The following MARF1 variants were observed in gnomAD, a reference collection of about 807,000 sequenced individuals.
The protein encoded by MARF1 is limkain-b1.
A neutral mutation model predicts 168.2 loss-of-function variants in MARF1; 24 were observed. The observed-to-expected ratio is 0.14, with a 90% confidence interval of 0.10 to 0.20. MARF1 has a LOEUF of 0.20. Among genes scored for constraint, MARF1 ranks in the 10% least tolerant of loss-of-function variants. MARF1 has a pLI of 1.00. For missense variants in MARF1, 1,744 were observed against 2,143.6 expected, an observed-to-expected ratio of 0.81 and a Z score of 3.68; for synonymous variants, 868 against 822.4, an observed-to-expected ratio of 1.06 and a Z score of -0.95.
Position 15,636,232 on chromosome 16 carries a change from A to G in MARF1, c.255T>C (p.Ser85=). The G allele has an allele frequency of 1.2e-6, 2 of 1,614,218 alleles. No individual in the cohort carries two copies. ...FPAVPLPDIR[S]LQQPKIQLSS... is the part of the protein sequence containing the mutation. ...AAAGCTGTATTTTAGGCTGCTGAAGAGAACGAATATCAGGAAGTGGGACTG... is the reference window on the plus strand; with the variant it reads ...AAAGCTGTATTTTAGGCTGCTGAAGGGAACGAATATCAGGAAGTGGGACTG... Residue 85 remains serine (S), a synonymous_variant, in exon 3 of 27, where the codon TCT becomes TCC. Transcript: ENST00000396368.
intron 12 of MARF1, among the ~76,000 whole-genome samples, chr16:15,621,120 T>G (rs950567385): frequency 6.6e-6 from 1 of 151,624 alleles, no homozygotes; most frequent in African/African-American, 2.4e-5. Flanking sequence ...AAAAAACCCG[T>G]AACTCGTAAT....
intron 2 of MARF1, 62 bp from the exon 3 acceptor site, chr16:15,636,404 A>C: frequency 1.6e-6 from 2 of 1,216,002 alleles, no homozygotes; most frequent in South Asian, 3.0e-5. Context: ...TTGGTTACTC[A>C]TATCTTACTG....
At chr16:15,631,800 T>C (rs753160023) in intron 5 of MARF1, among the ~76,000 whole-genome samples, 31 of 152,162 alleles carry the variant, frequency 2.0e-4, no homozygotes, top group African/African-American at 3.1e-4. Context: ...CCTGTGTCCA[T>C]GTGTTCTCAC....
At chr16:15,602,291 C>G in intron 22 of MARF1, 88 bp from the exon 23 acceptor site, 1 of 1,048,336 alleles carries the variant, frequency 9.5e-7, no homozygotes, top group Admixed American at 2.0e-5. Flanking sequence ...GGGAAAAGGC[C>G]CAGAGTTGAA....
At chr16:15,631,586 T>C (rs1471022580) in intron 5 of MARF1, 88 bp from the exon 6 acceptor site, 5 of 855,772 alleles carry the variant, frequency 5.8e-6, no homozygotes, top group Non-Finnish European at 9.0e-6. Flanking sequence ...ATTTTTTAAA[T>C]TTTATTATAC....
chr16:15,616,019 A>C lies in MARF1; in HGVS notation c.3078-14T>G. The C allele has an allele frequency of 6.8e-7, 1 of 1,468,828 alleles. No homozygotes were observed. Among genetic ancestry groups the C allele is most frequent in the Non-Finnish European group, 9.1e-7 (1 of 1,102,590 alleles). The allele number at this position is 1,468,828 out of a possible 1,614,324, so 91.0% of individuals were successfully genotyped here. On this transcript the variant is annotated splice_polypyrimidine_tract_variant and intron_variant, in intron 15 of 26. Transcript: ENST00000396368. ...CAATCTGGAAAGCTGAAATAGGAAA[A>C]AACAACAAAAAAAGGAAAGGTTAAA... is the stretch of plus-strand genomic sequence containing the variant.
intron 8 of MARF1, 68 bp downstream of exon 8, chr16:15,625,304 G>A (rs1398167281): frequency 1.2e-5 from 18 of 1,547,880 alleles, no homozygotes; most frequent in Admixed American, 2.0e-5. Flanking sequence ...AAAGCAAGCG[G>A]GCACGTAAAA....
At chr16:15,627,360 C>CAAAGCGGG (rs2034938806) in intron 7 of MARF1, among the ~76,000 whole-genome samples, 4 of 152,172 alleles carry the variant, frequency 2.6e-5, no homozygotes, top group Admixed American at 1.3e-4. Context: ...TGGCTCACGC[C>CAAAGCGGG]TGTAATCCCA....
At chr16:15,605,708 T>G (rs1386335262) in intron 21 of MARF1, 1 of 152,174 alleles carries the variant, frequency 6.6e-6, no homozygotes, top group East Asian at 1.9e-4. Context: ...GTGCTGGGAC[T>G]AATTCTATAA....
intron 7 of MARF1, among the ~76,000 whole-genome samples, chr16:15,628,486 T>G (rs1444227298): frequency 4.6e-5 from 7 of 151,430 alleles, no homozygotes; most frequent in African/African-American, 2.4e-5. Context: ...CTCGGCTTAC[T>G]GCAACCTCCA....
chr16:15,601,695 G>A, intron 23 of MARF1: 1 of 497,946 alleles, frequency 2.0e-6, no homozygotes, highest in Non-Finnish European at 3.6e-6. Context: ...CCACTGCCCT[G>A]ACCGCCCTGA....
At chr16:15,612,825 G>A (rs200942732) in intron 16 of MARF1, 48 bp from the exon 17 acceptor site, 1 of 1,533,756 alleles carries the variant, frequency 6.5e-7, no homozygotes, top group Admixed American at 1.7e-5. Context: ...GATTTCACCA[G>A]CTGAAAGAAG....
At chr16:15,604,094 G>T in intron 22 of MARF1, 74 bp downstream of exon 22, 1 of 1,158,696 alleles carries the variant, frequency 8.6e-7, no homozygotes, top group South Asian at 1.3e-5. Context: ...CTCTAATCTA[G>T]ACCATCAGGT....
At chr16:15,604,465 G>A in intron 21 of MARF1, 67 bp from the exon 22 acceptor site, 2 of 1,103,596 alleles carry the variant, frequency 1.8e-6, no homozygotes, top group African/African-American at 1.6e-5. Flanking sequence ...ACCCAACTCA[G>A]CTCACTTCAT....
chr16:15,614,439 G>T (rs150072417), intron 16 of MARF1, among the ~76,000 whole-genome samples: 2,871 of 127,550 alleles, frequency 0.023, 110 homozygotes, highest in Admixed American at 0.11. Flanking sequence ...GCTGAGATCC[G>T]GCCACTGCAC....
chr16:15,610,882 G>A (rs1415209224), intron 19 of MARF1, 93 bp downstream of exon 19: 22 of 1,243,712 alleles, frequency 1.8e-5, no homozygotes, highest in South Asian at 1.1e-4. Flanking sequence ...CAGGAAGCAC[G>A]GACAGGGAGG....
chr16:15,621,421 T>G (rs2151186399), intron 12 of MARF1: 1 of 332,128 alleles, frequency 3.0e-6, no homozygotes, highest in African/African-American at 2.2e-5. Context: ...GATCTCAAGG[T>G]AATATTTTAG....
chr16:15,631,286 T>G, intron 6 of MARF1, 95 bp downstream of exon 6: 2 of 836,162 alleles, frequency 2.4e-6, no homozygotes, highest in Non-Finnish European at 4.0e-6. Context: ...TTCAGCCTCT[T>G]TGGGGATACA....
At position 15,617,482 on chromosome 16, in the gene MARF1, G is replaced by T; in HGVS notation, c.2774C>A (p.Ala925Glu). ...CCGTCCGTTTCCTTGTTCACGGATT[G>T]CGACCGTGTCTGTTAATTTATATAG... is the stretch of plus-strand genomic sequence containing the variant. ...SDLYKLTDTV[A>E]IREQGNGRLV... is the part of the protein sequence containing the mutation. Residue 925 changes from alanine (A) to glutamate (E), a missense_variant, in exon 14 of 27, where the codon GCA becomes GAA. Around this residue, in one of 7 missense-constraint regions of MARF1, gnomAD observed 543 missense variants for 742.1 expected, o/e 0.73. Coordinates refer to ENST00000396368, the MANE Select transcript of MARF1 (RefSeq NM_014647.4). 6.2e-7 allele frequency: 1 copy of T among 1,613,818 alleles called. No homozygotes were observed. Among genetic ancestry groups the T allele is most frequent in the Non-Finnish European group, 8.5e-7 (1 of 1,180,028 alleles).
Sources: gnomAD v4.1 joint callset for allele counts (sites outside exome capture counted in the v4.1 genomes callset) on GRCh38, gnomAD v4.1.1 for gene constraint, gnomAD v4.1.1 regional missense constraint, MANE v1.5 for transcripts, NCBI Gene and HGNC (gene_info 2026-07-23, HGNC 2026-07-21) for gene names.